The following HLA-DQA2 variants were observed in gnomAD, a reference collection of about 807,000 sequenced individuals.
HLA-DQA2 encodes the protein major histocompatibility complex, class II, DQ alpha 2.
HLA-DQA2 carries 17 observed loss-of-function variants against 21.0 expected under a neutral mutation model. That is an observed-to-expected ratio of 0.81 (90% CI 0.56 to 1.22). HLA-DQA2 has a LOEUF of 1.22. HLA-DQA2 is among the 50% of genes most tolerant of loss of function. The pLI, the probability that HLA-DQA2 is intolerant of heterozygous loss-of-function variation, is 0.00. For synonymous variants in HLA-DQA2, 81 were observed against 116.5 expected (o/e 0.70, Z 1.96); for missense variants, 239 against 308.8 (o/e 0.77, Z 1.69).
chr6:32,744,673 TAA>T (rs9282270), intron 1 of HLA-DQA2, among the ~76,000 whole-genome samples: 6 of 89,018 alleles, frequency 6.7e-5, no homozygotes, highest in Admixed American at 2.6e-4. Flanking sequence ...TTCTTTGGTT[TAA>T]AAAAAAAAAA....
Position 32,745,897 on chromosome 6 carries a change from C to T in HLA-DQA2, c.438C>T (p.Thr146=). 1 of 1,475,898 alleles carries T rather than the reference C, an allele frequency of 6.8e-7. No individual in the cohort carries two copies. 91.4% of individuals were successfully genotyped at this position (1,475,898 alleles called of 1,614,324 possible). A position where few individuals can be genotyped will look rare whatever the true frequency, so the allele number is the denominator to read the frequency against. ...DNIFPPVVNI[T]WLSNGHSVTE... ...TCTTTCCTCCTGTGGTCAACATCAC[C>T]TGGCTGAGCAATGGGCACTCAGTCA... Residue 146 remains threonine (T), a synonymous_variant, in exon 3 of 5, where the codon ACC becomes ACT. Coordinates refer to ENST00000374940, the MANE Select transcript of HLA-DQA2 (RefSeq NM_020056.5).
At position 32,746,662 on chromosome 6, in the gene HLA-DQA2, C is replaced by G; in HGVS notation, c.*101C>G. 1 of 594,600 alleles carries G rather than the reference C, an allele frequency of 1.7e-6. No individual in the cohort carries two copies. The highest frequency in any genetic ancestry group is 3.1e-6 in the Non-Finnish European group (1 of 324,174). The allele number at this position is 594,600 out of a possible 1,614,324, so 36.8% of individuals were successfully genotyped here. ...TTCTCTGGCCTGATTTATCATATCC[C>G]TTTTCTCCTCCAAATGTTTCTTCTC... is the stretch of plus-strand genomic sequence containing the variant. On this transcript the variant is annotated 3_prime_UTR_variant, in exon 5 of 5. Coordinates refer to ENST00000374940, the MANE Select transcript of HLA-DQA2 (RefSeq NM_020056.5).
intron 1 of HLA-DQA2, among the ~76,000 whole-genome samples, chr6:32,742,952 G>A (rs1763317492): frequency 7.1e-6 from 1 of 141,258 alleles, no homozygotes; most frequent in African/African-American, 2.6e-5. Context: ...TGCAAGCTCC[G>A]CCTCCCAGGT....
At chr6:32,741,622 C>A in intron 1 of HLA-DQA2, 97 bp downstream of exon 1, 1 of 1,071,124 alleles carries the variant, frequency 9.3e-7, no homozygotes, top group Non-Finnish European at 1.4e-6. Context: ...AGAAATTTCC[C>A]AAGGGTCTTT....
At chr6:32,744,825 ATCC>A (rs1378011274) in intron 1 of HLA-DQA2, among the ~76,000 whole-genome samples, 8,601 of 150,412 alleles carry the variant, frequency 0.057, 704 homozygotes, top group African/African-American at 0.18. Context: ...AGAAAACTAA[ATCC>A]TATGATAACT....
Position 32,746,871 on chromosome 6 carries a change from A to T in HLA-DQA2, c.*310A>T. 2.9e-6 allele frequency: 1 copy of T among 342,110 alleles called. No individual in the cohort carries two copies. The highest frequency in any genetic ancestry group is 5.7e-6 in the Non-Finnish European group (1 of 174,708). 21.2% of individuals were successfully genotyped at this position (342,110 alleles called of 1,614,324 possible). On this transcript the variant is annotated 3_prime_UTR_variant, in exon 5 of 5. Coordinates refer to ENST00000374940, the MANE Select transcript of HLA-DQA2 (RefSeq NM_020056.5). ...GACCTTTATCTAAAATCTCCATGGA[A>T]GCAATAAATTCCCTTTTGATGCCTC... is the stretch of plus-strand genomic sequence containing the variant.
intron 1 of HLA-DQA2, among the ~76,000 whole-genome samples, chr6:32,743,018 A>G (rs1763324872): frequency 7.0e-6 from 1 of 142,772 alleles, no homozygotes; most frequent in Non-Finnish European, 1.5e-5. Context: ...GGCGCCCGCC[A>G]CTGTGCACGG....
chr6:32,746,512 T>C, intron 4 of HLA-DQA2, 70 bp from the exon 5 acceptor site: 3 of 1,408,136 alleles, frequency 2.1e-6, no homozygotes, highest in South Asian at 1.2e-5. Flanking sequence ...TGTAGGCGAA[T>C]TGGGAAGTGG....
In HLA-DQA2 at chr6:32,745,362, T is replaced by G. The variant is rs2113869952; in HGVS notation, c.286T>G (p.Leu96Val). 6.3e-7 allele frequency: 1 copy of G among 1,598,616 alleles called. No homozygotes were observed. The highest frequency in any genetic ancestry group is 1.7e-4 in the Middle Eastern group (1 of 6,024). ...LRNMAVGKHTLEFMMRQSNST... is the reference protein window; with the variant it reads ...LRNMAVGKHTVEFMMRQSNST... ...AAATATGGCTGTGGGAAAACACACC[T>G]TGGAATTCATGATGAGACAGTCCAA... is the stretch of plus-strand genomic sequence containing the variant. The change falls in exon 2 of 5, where the codon TTG (leucine) becomes GTG (valine). Residue 96 changes from leucine to valine, a missense_variant. Coordinates refer to ENST00000374940, the MANE Select transcript of HLA-DQA2 (RefSeq NM_020056.5).
intron 1 of HLA-DQA2, among the ~76,000 whole-genome samples, chr6:32,742,966 C>T (rs1014137343): frequency 7.0e-6 from 1 of 143,324 alleles, no homozygotes; most frequent in African/African-American, 2.6e-5. Context: ...CCCAGGTTCA[C>T]GCCATTCTCC....
chr6:32,742,101 C>T (rs1464920271), intron 1 of HLA-DQA2, among the ~76,000 whole-genome samples: 2 of 151,822 alleles, frequency 1.3e-5, no homozygotes, highest in African/African-American at 4.8e-5. Context: ...AAATGTGGTA[C>T]TTACTCTCTG....
Position 32,746,382 on chromosome 6 carries a change from A to G in HLA-DQA2, c.756A>G (p.Gln252=), listed in dbSNP as rs879063180. The change falls in exon 4 of 5, where the codon CAA becomes CAG. Residue 252 remains glutamine (Q), a synonymous_variant. Transcript: ENST00000374940. ...GLRSVGASRH[Q]GLL ...GTTCAGTTGGTGCTTCCAGACACCAAGGGCTCTTATGAATCCCATCCTGAA... is the reference window on the plus strand; with the variant it reads ...GTTCAGTTGGTGCTTCCAGACACCAGGGGCTCTTATGAATCCCATCCTGAA... The G allele has an allele frequency of 2.5e-6, 4 of 1,608,712 alleles. No individual in the cohort carries two copies. Among genetic ancestry groups the G allele is most frequent in the East Asian group, 2.2e-5 (1 of 44,640 alleles).
In HLA-DQA2 at chr6:32,746,320, A is replaced by T; in HGVS notation, c.694A>T (p.Ile232Phe). Residue 232 changes from isoleucine to phenylalanine, a missense_variant, in exon 4 of 5, where the codon ATT becomes TTT. Physicochemically the swap from Ile to Phe is conservative, Grantham distance 21. Transcript: ENST00000374940. The part of the protein sequence containing the change: ...ALGLSVGLMG[I>F]VVGTVFIIQG... ...GGGGTTGTCTGTGGGCCTCATGGGC[A>T]TTGTGGTGGGCACTGTCTTCATCAT... 2 of 1,613,108 alleles carry T rather than the reference A, an allele frequency of 1.2e-6. No homozygotes were observed. The highest frequency in any genetic ancestry group is 2.2e-5 in the South Asian group (2 of 91,092).
intron 1 of HLA-DQA2, among the ~76,000 whole-genome samples, chr6:32,743,229 T>C (rs1763337594): frequency 2.6e-5 from 4 of 152,182 alleles, no homozygotes; most frequent in Non-Finnish European, 5.9e-5. Flanking sequence ...GCTGTAATTT[T>C]CCGTATTTTT....
chr6:32,744,959 T>C (rs1290584632), intron 1 of HLA-DQA2, among the ~76,000 whole-genome samples, 200 bp from the exon 2 acceptor site: 3 of 151,588 alleles, frequency 2.0e-5, no homozygotes, highest in Non-Finnish European at 4.4e-5. Context: ...GCATATGTTA[T>C]AGTGAGAAAG....
intron 1 of HLA-DQA2, among the ~76,000 whole-genome samples, chr6:32,744,354 A>G (rs1186916400): frequency 6.6e-6 from 1 of 152,224 alleles, no homozygotes; most frequent in South Asian, 2.1e-4. Context: ...AAAGGGTTTA[A>G]TTTACCTGAG....
chr6:32,746,292 C>G lies in HLA-DQA2; in HGVS notation c.666C>G (p.Ala222=). The G allele has an allele frequency of 6.2e-7, 1 of 1,613,082 alleles. No homozygotes were observed. The highest frequency in any genetic ancestry group is 8.5e-7 in the Non-Finnish European group (1 of 1,180,048). Residue 222 remains alanine, a synonymous_variant, in exon 4 of 5, where the codon GCC becomes GCG. Transcript: ENST00000374940. Reference sequence around the variant, plus strand: ...AGCTCACAGAGACTTTGGTCTGCGCCCTGGGGTTGTCTGTGGGCCTCATGG... The same window carrying G: ...AGCTCACAGAGACTTTGGTCTGCGCGCTGGGGTTGTCTGTGGGCCTCATGG... The part of the protein sequence containing the change: ...MSELTETLVC[A]LGLSVGLMGI...
Position 32,745,871 on chromosome 6 carries a change from A to G in HLA-DQA2, c.412A>G (p.Ile138Val), listed in dbSNP as rs1271294408. ...PNTLICLVDN[I>V]FPPVVNITWL... ...CACCCTCATCTGTCTTGTGGACAAC[A>G]TCTTTCCTCCTGTGGTCAACATCAC... Residue 138 changes from isoleucine (I) to valine (V), a missense_variant, in exon 3 of 5, where the codon ATC (isoleucine) becomes GTC (valine). Coordinates refer to ENST00000374940, the MANE Select transcript of HLA-DQA2 (RefSeq NM_020056.5). 5 of 1,613,044 alleles carry G rather than the reference A, an allele frequency of 3.1e-6. No individual in the cohort carries two copies. Among genetic ancestry groups the G allele is most frequent in the South Asian group, 1.1e-5 (1 of 91,086 alleles).
chr6:32,745,045 C>G, intron 1 of HLA-DQA2, 114 bp from the exon 2 acceptor site: 1 of 1,252,180 alleles, frequency 8.0e-7, no homozygotes, highest in Non-Finnish European at 1.1e-6. Flanking sequence ...TGTTCAGGGA[C>G]TGTGCCAAAG....
Sources: allele counts gnomAD v4.1 joint callset (sites outside exome capture counted in the v4.1 genomes callset), GRCh38; gene constraint gnomAD v4.1.1; transcripts MANE v1.5; gene names NCBI Gene and HGNC (gene_info 2026-07-23, HGNC 2026-07-21).